The following SLC9A2 variants were observed in gnomAD, a reference collection of about 807,000 sequenced individuals.
SLC9A2 encodes solute carrier family 9 member A2.
A neutral mutation model predicts 71.7 loss-of-function variants in SLC9A2; 42 were observed. The ratio of observed to expected loss-of-function variants is 0.59; its 90% CI spans 0.46 to 0.76. SLC9A2 has a LOEUF of 0.76. SLC9A2 is among the 30% of genes least tolerant of loss of function. The pLI is 0.00. For missense variants in SLC9A2, 829 were observed against 1,017.4 expected, an observed-to-expected ratio of 0.81 and a Z score of 2.52; for synonymous variants, 396 against 392.5, an observed-to-expected ratio of 1.01 and a Z score of -0.10.
At chr2:102,656,447 A>T (rs953830580) in intron 1 of SLC9A2, among the ~76,000 whole-genome samples, 4 of 152,204 alleles carry the variant, frequency 2.6e-5, no homozygotes, top group African/African-American at 2.4e-5. Context: ...CTCTGTTTCC[A>T]TAGCACTTGG....
intron 7 of SLC9A2, among the ~76,000 whole-genome samples, chr2:102,700,375 G>C (rs1365445131): frequency 2.6e-5 from 4 of 152,138 alleles, no homozygotes; most frequent in Non-Finnish European, 4.4e-5. Flanking sequence ...AGAGGATTAA[G>C]AACCGAGGCC....
intron 3 of SLC9A2, among the ~76,000 whole-genome samples, chr2:102,671,190 A>G (rs1036263281): frequency 4.6e-5 from 7 of 152,042 alleles, no homozygotes; most frequent in Non-Finnish European, 7.3e-5. Flanking sequence ...AGAGTCTTAG[A>G]TCTCTGGCTC....
At chr2:102,625,117 A>G (rs1676221338) in intron 1 of SLC9A2, among the ~76,000 whole-genome samples, 1 of 152,146 alleles carries the variant, frequency 6.6e-6, no homozygotes, top group Non-Finnish European at 1.5e-5. Context: ...TCGTAAAGTT[A>G]AAAGAAGAGC....
intron 2 of SLC9A2, among the ~76,000 whole-genome samples, chr2:102,658,494 C>T (rs1676989485): frequency 6.6e-6 from 1 of 151,650 alleles, no homozygotes; most frequent in Non-Finnish European, 1.5e-5. Context: ...AATGATAATA[C>T]CTGCTAAGTG....
chr2:102,683,983 A>T (rs1297822453), intron 4 of SLC9A2, 151 bp from the exon 5 acceptor site: 2 of 631,556 alleles, frequency 3.2e-6, no homozygotes, highest in African/African-American at 3.7e-5. Context: ...AGAACCTGGT[A>T]TTACTAGCAA....
At position 102,652,069 on chromosome 2, in the gene SLC9A2, A is replaced by G. The variant is rs938715612; in HGVS notation, c.290-5495A>G. Among the ~76,000 whole-genome samples, 3 of 152,180 alleles carry G rather than the reference A, an allele frequency of 2.0e-5. No homozygotes were observed. The East Asian group carries it at 5.8e-4, about 29-fold the overall frequency. ...GGGATCAAACATGGATCCATTTGAA[A>G]GTTGGGCTGTTCCTAAATGTTTTAG... On this transcript the variant is annotated intron_variant, in intron 1 of 11. Coordinates refer to ENST00000233969, the MANE Select transcript of SLC9A2 (RefSeq NM_003048.6).
intron 1 of SLC9A2, among the ~76,000 whole-genome samples, chr2:102,652,565 C>G (rs1431878377): frequency 6.6e-6 from 1 of 152,154 alleles, no homozygotes; most frequent in Admixed American, 6.5e-5. Context: ...CTCACACCCC[C>G]ACTTCTCATC....
In SLC9A2 at chr2:102,619,977, G is replaced by A. The variant is rs762705262; in HGVS notation, c.129G>A (p.Met43Ile). The change falls in exon 1 of 12, where the codon ATG (methionine) becomes ATA (isoleucine). Residue 43 changes from methionine (M) to isoleucine (I), a missense_variant. This residue lies in a region of SLC9A2 where 106 missense variants were observed against 93.5 expected (regional missense o/e 1.13). Transcript: ENST00000233969. This position sits in a 1 kb window ranked among gnomAD's most constrained non-coding sequence, Gnocchi z 4.3. ...CCTTGCTGAACGCGCCGAGGGCCAT[G>A]GGCACCAGTTCCAGCCCGCCTAGCC... is the stretch of plus-strand genomic sequence containing the variant. Reference protein sequence around the residue: ...AETLLNAPRAMGTSSSPPSPA... With the variant: ...AETLLNAPRAIGTSSSPPSPA... 1.9e-6 allele frequency: 3 copies of A among 1,613,514 alleles called. No homozygotes were observed. Among genetic ancestry groups the A allele is most frequent in the Non-Finnish European group, 2.5e-6 (3 of 1,179,818 alleles).
intron 1 of SLC9A2, among the ~76,000 whole-genome samples, chr2:102,630,805 A>G (rs1573397020): frequency 6.6e-6 from 1 of 151,942 alleles, no homozygotes; most frequent in East Asian, 1.9e-4. Context: ...ACGTAATTAT[A>G]GTAATTATTG....
intron 5 of SLC9A2, among the ~76,000 whole-genome samples, chr2:102,692,951 G>A (rs565863437): frequency 6.6e-6 from 1 of 151,734 alleles, no homozygotes; most frequent in African/African-American, 2.4e-5. Flanking sequence ...ATAATGGATA[G>A]TATATCTATG....
intron 1 of SLC9A2, among the ~76,000 whole-genome samples, chr2:102,634,758 A>G (rs1676435593): frequency 6.6e-6 from 1 of 152,198 alleles, no homozygotes; most frequent in East Asian, 1.9e-4. Flanking sequence ...AAAGAAAGGC[A>G]ATGCACATCT....
At chr2:102,684,001 A>G in intron 4 of SLC9A2, 133 bp from the exon 5 acceptor site, 1 of 662,606 alleles carries the variant, frequency 1.5e-6, no homozygotes, top group African/African-American at 1.8e-5. Flanking sequence ...CAAGACAGAG[A>G]AAAAGGGGAA....
chr2:102,661,496 C>T (rs1424293850), intron 2 of SLC9A2, among the ~76,000 whole-genome samples: 1 of 152,134 alleles, frequency 6.6e-6, no homozygotes, highest in African/African-American at 2.4e-5. Flanking sequence ...CTGTATGTTT[C>T]ATACAGGAAG....
Position 102,657,613 on chromosome 2 carries a change from T to C in SLC9A2, c.339T>C (p.Leu113=), listed in dbSNP as rs772073319. 1.1e-5 allele frequency: 17 copies of C among 1,613,984 alleles called. No homozygotes were observed. The highest frequency in any genetic ancestry group is 3.3e-4 in the Middle Eastern group (2 of 6,084). The part of the protein sequence containing the change: ...KLPTIVPESC[L]LIMVGLLLGG... ...CCACAATAGTGCCTGAGAGCTGCCT[T>C]CTTATAATGGTTGGACTTCTACTAG... Residue 113 remains leucine, a synonymous_variant, in exon 2 of 12, where the codon CTT becomes CTC. Coordinates refer to ENST00000233969, the MANE Select transcript of SLC9A2 (RefSeq NM_003048.6).
chr2:102,695,368 C>T (rs573428775), intron 7 of SLC9A2, among the ~76,000 whole-genome samples: 1 of 152,240 alleles, frequency 6.6e-6, no homozygotes, highest in South Asian at 2.1e-4. Context: ...CTCCAAGACT[C>T]CCCCAGGGTC....
At chr2:102,662,816 G>A (rs1238290118) in intron 2 of SLC9A2, among the ~76,000 whole-genome samples, 3 of 152,074 alleles carry the variant, frequency 2.0e-5, no homozygotes, top group African/African-American at 7.2e-5. Context: ...TTCCTGATGT[G>A]AAAATGGAGT....
chr2:102,637,493 A>C (rs1676491391), intron 1 of SLC9A2, among the ~76,000 whole-genome samples: 1 of 152,336 alleles, frequency 6.6e-6, no homozygotes, highest in South Asian at 2.1e-4. Context: ...GGTTACAGAA[A>C]GAATATAATG....
chr2:102,697,758 A>C (rs1677795309), intron 7 of SLC9A2, among the ~76,000 whole-genome samples: 1 of 151,090 alleles, frequency 6.6e-6, no homozygotes, highest in Non-Finnish European at 1.5e-5. Context: ...GGTGATTGTT[A>C]ATGTTACTAA....
intron 1 of SLC9A2, among the ~76,000 whole-genome samples, chr2:102,656,377 C>G (rs1465623292): frequency 6.6e-6 from 1 of 152,220 alleles, no homozygotes; most frequent in Non-Finnish European, 1.5e-5. Flanking sequence ...TAATGCCTAT[C>G]TTTTAAGCCC....
Sources: gnomAD v4.1 joint callset for allele counts (sites outside exome capture counted in the v4.1 genomes callset) on GRCh38, gnomAD v4.1.1 for gene constraint, gnomAD v4.1.1 regional missense constraint, Gnocchi (gnomAD v3.1) non-coding constraint, MANE v1.5 for transcripts, NCBI Gene and HGNC (gene_info 2026-07-23, HGNC 2026-07-21) for gene names.